Variants in SMPDL3B observed in about 807,000 individuals in gnomAD.
SMPDL3B encodes the protein acid sphingomyelinase-like phosphodiesterase 3b.
SMPDL3B carries 31 observed loss-of-function variants against 37.9 expected under a neutral mutation model. The ratio of observed to expected loss-of-function variants is 0.82; its 90% CI spans 0.61 to 1.10. The LOEUF is 1.10. SMPDL3B is among the 50% of genes least tolerant of loss of function. The probability of loss-of-function intolerance (pLI) is 0.00; values close to 1 mark genes in which losing one functional copy is unlikely to be tolerated. For missense variants in SMPDL3B, 525 were observed against 597.8 expected, an observed-to-expected ratio of 0.88 and a Z score of 1.27; for synonymous variants, 235 against 242.6, an observed-to-expected ratio of 0.97 and a Z score of 0.29.
At chr1:27,955,606 T>C (rs1349671054) in intron 5 of SMPDL3B, 78 bp from the exon 6 acceptor site, 1 of 1,432,448 alleles carries the variant, frequency 7.0e-7, no homozygotes, top group African/African-American at 1.4e-5. Flanking sequence ...TTTGGGGCAA[T>C]TTGCAGGTTT....
Position 27,958,363 on chromosome 1 carries a change from T to C in SMPDL3B, c.1006-113T>C, listed in dbSNP as rs1638356721. 2 of 1,385,644 alleles carry C rather than the reference T, an allele frequency of 1.4e-6. No homozygotes were observed. The highest frequency in any genetic ancestry group is 2.7e-5 in the South Asian group (2 of 74,452). The allele number at this position is 1,385,644 out of a possible 1,614,324, so 85.8% of individuals were successfully genotyped here. ...GGTGCACAGCTAAGTGCTCAATAAC[T>C]ACTAGTGGTCATGGTCACTGCTCTA... On this transcript the variant is annotated intron_variant, in intron 7 of 7. Coordinates refer to ENST00000373894, the MANE Select transcript of SMPDL3B (RefSeq NM_014474.4). This position sits in a 1 kb window ranked among gnomAD's most constrained non-coding sequence, Gnocchi z 5.6.
intron 1 of SMPDL3B, among the ~76,000 whole-genome samples, chr1:27,944,746 T>TA (rs1287184805): frequency 6.6e-6 from 1 of 150,622 alleles, no homozygotes; most frequent in African/African-American, 2.5e-5. Flanking sequence ...TTTTTTTTTT[T>TA]AATTTTCCAA....
At chr1:27,953,148 C>T (rs1185470946) in intron 3 of SMPDL3B, 67 bp from the exon 4 acceptor site, 2 of 1,354,236 alleles carry the variant, frequency 1.5e-6, no homozygotes, top group African/African-American at 1.5e-5. Flanking sequence ...CAGTGGCCAA[C>T]AGAAAATGAT....
chr1:27,947,362 A>G (rs2090418696), intron 2 of SMPDL3B, among the ~76,000 whole-genome samples: 1 of 151,834 alleles, frequency 6.6e-6, no homozygotes, highest in Admixed American at 6.6e-5. Flanking sequence ...TTCCTGGGAA[A>G]TCTCTGAGAC....
At chr1:27,951,664 T>G (rs971010149) in intron 3 of SMPDL3B, among the ~76,000 whole-genome samples, 1 of 152,118 alleles carries the variant, frequency 6.6e-6, no homozygotes, top group African/African-American at 2.4e-5. Flanking sequence ...CTGGGCAACA[T>G]AGCAAGACCC....
chr1:27,943,231 G>T (rs2090375456), intron 1 of SMPDL3B, among the ~76,000 whole-genome samples: 1 of 152,172 alleles, frequency 6.6e-6, no homozygotes, highest in South Asian at 2.1e-4. Context: ...TGTAAAGTGG[G>T]ATAATGTTCC....
intron 5 of SMPDL3B, 87 bp downstream of exon 5, chr1:27,954,613 A>G: frequency 7.8e-7 from 1 of 1,282,166 alleles, no homozygotes; most frequent in East Asian, 2.3e-5. Context: ...CACCCACCCA[A>G]AGATGCCCAT....
Position 27,945,479 on chromosome 1 carries a change from C to T in SMPDL3B, c.275+34C>T. ...AGTTGAGGTGGCAGCTACCCTTTGC[C>T]AGGCATCTGCTATGTGCTACATACC... On this transcript the variant is annotated intron_variant, in intron 2 of 7. Transcript: ENST00000373894. The surrounding 1 kb of genome is among the most constrained non-coding windows in gnomAD (Gnocchi z 4.0). The T allele has an allele frequency of 1.1e-5, 17 of 1,549,080 alleles. No individual in the cohort carries two copies. Among genetic ancestry groups the T allele is most frequent in the Non-Finnish European group, 1.4e-5 (16 of 1,122,264 alleles).
At chr1:27,944,012 CAAA>C (rs5773206) in intron 1 of SMPDL3B, among the ~76,000 whole-genome samples, 21 of 92,268 alleles carry the variant, frequency 2.3e-4, no homozygotes, top group East Asian at 3.4e-4. Flanking sequence ...AACTCTGTCT[CAAA>C]AAAAAAAAAA....
chr1:27,938,961 C>T (rs1254498884), intron 1 of SMPDL3B: 1 of 152,160 alleles, frequency 6.6e-6, no homozygotes, highest in African/African-American at 2.4e-5. Context: ...CAAGGAAAAC[C>T]TGTATATATC....
At chr1:27,953,847 G>A (rs1341126264) in intron 4 of SMPDL3B, among the ~76,000 whole-genome samples, 1 of 152,212 alleles carries the variant, frequency 6.6e-6, no homozygotes, top group Admixed American at 6.5e-5. Flanking sequence ...GTTCTCTTGG[G>A]CCAGAAGCAC....
chr1:27,942,311 A>G (rs1168405759), intron 1 of SMPDL3B: 2 of 399,384 alleles, frequency 5.0e-6, no homozygotes, highest in South Asian at 3.3e-5. Flanking sequence ...GAGAAAGGCA[A>G]AGGGCCTCCC....
Position 27,935,226 on chromosome 1 carries a change from G to A in SMPDL3B, c.43G>A (p.Gly15Ser). The A allele has an allele frequency of 6.2e-7, 1 of 1,613,492 alleles. No homozygotes were observed. The highest frequency in any genetic ancestry group is 1.3e-5 in the African/African-American group (1 of 75,038). The change falls in exon 1 of 8, where the codon GGT (glycine) becomes AGT (serine). Residue 15 changes from glycine to serine, a missense_variant. Physicochemically the swap from Gly to Ser is moderately conservative, Grantham distance 56. Coordinates refer to ENST00000373894, the MANE Select transcript of SMPDL3B (RefSeq NM_014474.4). ...AWLIFLANWGGARAEPGKFWH... is the reference protein window; with the variant it reads ...AWLIFLANWGSARAEPGKFWH... ...GCTGATTTTCCTGGCTAACTGGGGAGGTGCCAGGGCTGAACCAGGTACAGC... is the reference window on the plus strand; with the variant it reads ...GCTGATTTTCCTGGCTAACTGGGGAAGTGCCAGGGCTGAACCAGGTACAGC...
At chr1:27,951,224 C>T (rs1017304517) in intron 3 of SMPDL3B, among the ~76,000 whole-genome samples, 1 of 152,140 alleles carries the variant, frequency 6.6e-6, no homozygotes, top group African/African-American at 2.4e-5. Flanking sequence ...TCTGACACAG[C>T]GCTTTCTCAT....
At chr1:27,950,499 G>A (rs1022192270) in intron 3 of SMPDL3B, among the ~76,000 whole-genome samples, 8 of 152,164 alleles carry the variant, frequency 5.3e-5, no homozygotes, top group African/African-American at 9.7e-5. Flanking sequence ...TGTCACCCAG[G>A]CTGGAGTACA....
chr1:27,947,609 C>A (rs1415239363), intron 2 of SMPDL3B, among the ~76,000 whole-genome samples: 1 of 126,574 alleles, frequency 7.9e-6, no homozygotes, highest in Admixed American at 8.2e-5. Context: ...CAGAGCGAGA[C>A]TCCATCTCAA....
chr1:27,956,905 T>C (rs543053589), intron 7 of SMPDL3B, among the ~76,000 whole-genome samples: 1 of 151,664 alleles, frequency 6.6e-6, no homozygotes, highest in South Asian at 2.1e-4. Flanking sequence ...TCTGAGTGTA[T>C]TGAGGGAGGG....
chr1:27,959,062 G>C lies in SMPDL3B; in HGVS notation c.*224G>C. 2 of 549,708 alleles carry C rather than the reference G, an allele frequency of 3.6e-6. No homozygotes were observed. The allele number at this position is 549,708 out of a possible 1,614,324, so 34.1% of individuals were successfully genotyped here. The stretch of plus-strand genomic sequence containing the variant: ...TCTCTCCAAAAACAAACCAGAAACA[G>C]AAAAGAAATGACGACCCAAGACCCC... On this transcript the variant is annotated 3_prime_UTR_variant, in exon 8 of 8. Coordinates refer to ENST00000373894, the MANE Select transcript of SMPDL3B (RefSeq NM_014474.4).
In SMPDL3B at chr1:27,945,367, C is replaced by T. The variant is rs375944325; in HGVS notation, c.197C>T (p.Ser66Phe). 2.5e-6 allele frequency: 4 copies of T among 1,614,070 alleles called. No individual in the cohort carries two copies. The African/African-American group carries it at 4.0e-5, about 16-fold the overall frequency. The change falls in exon 2 of 8, where the codon TCT becomes TTT. Residue 66 changes from serine to phenylalanine, a missense_variant. Transcript: ENST00000373894. This position sits in a 1 kb window ranked among gnomAD's most constrained non-coding sequence, Gnocchi z 4.0. The stretch of plus-strand genomic sequence containing the variant: ...CCCTGGGGTGACTACCTCTGTGATT[C>T]TCCCTGGGCCCTCATCAACTCCTCC... ...AGPWGDYLCDSPWALINSSIY... is the reference protein window; with the variant it reads ...AGPWGDYLCDFPWALINSSIY...
Sources: allele counts gnomAD v4.1 joint callset (sites outside exome capture counted in the v4.1 genomes callset), GRCh38; gene constraint gnomAD v4.1.1; non-coding constraint Gnocchi (gnomAD v3.1); transcripts MANE v1.5; gene names NCBI Gene and HGNC (gene_info 2026-07-23, HGNC 2026-07-21).